BRINP1: variants seen among roughly 807,000 people sequenced by gnomAD.
The protein encoded by BRINP1 is BMP/retinoic acid inducible neural specific 1.
Under a neutral mutation model 72.9 loss-of-function variants are expected in BRINP1, and 17 were observed. That is an observed-to-expected ratio of 0.23 (90% CI 0.16 to 0.35). The LOEUF (loss-of-function observed/expected upper bound fraction) is 0.35. BRINP1 is among the 10% of genes least tolerant of loss of function. The pLI, the probability that BRINP1 is intolerant of heterozygous loss-of-function variation, is 1.00. For missense variants in BRINP1, 850 were observed against 1,001.6 expected (o/e 0.85, Z 2.04); for synonymous variants, 418 against 378.5 (o/e 1.10, Z -1.21).
At chr9:119,339,873 T>G (rs1211378855) in intron 1 of BRINP1, among the ~76,000 whole-genome samples, 3 of 152,134 alleles carry the variant, frequency 2.0e-5, no homozygotes, top group African/African-American at 4.8e-5. Context: ...AAATCCTGGG[T>G]GGGTTCTGGC....
chr9:119,223,263 T>C (rs1174884669), intron 5 of BRINP1, among the ~76,000 whole-genome samples: 1 of 152,130 alleles, frequency 6.6e-6, no homozygotes, highest in Non-Finnish European at 1.5e-5. Flanking sequence ...AATATGCTTG[T>C]CAAATTCATA....
At chr9:119,194,578 G>A (rs750896111) in intron 7 of BRINP1, among the ~76,000 whole-genome samples, 2 of 152,218 alleles carry the variant, frequency 1.3e-5, no homozygotes, top group Non-Finnish European at 2.9e-5. Context: ...ACTTGGAGAA[G>A]TCTGAAGTGT....
chr9:119,220,278 T>C (rs1388243435), intron 5 of BRINP1, among the ~76,000 whole-genome samples: 2 of 152,132 alleles, frequency 1.3e-5, no homozygotes, highest in African/African-American at 2.4e-5. Flanking sequence ...GACCCTCAAG[T>C]TGGATCTCTG....
chr9:119,320,685 G>C (rs1282819681), intron 1 of BRINP1, among the ~76,000 whole-genome samples: 1 of 152,152 alleles, frequency 6.6e-6, no homozygotes, highest in Non-Finnish European at 1.5e-5. Flanking sequence ...GATGCCTCAG[G>C]GAAAAGCAAT....
chr9:119,179,949 G>A (rs1829533928), intron 7 of BRINP1, among the ~76,000 whole-genome samples: 4 of 152,218 alleles, frequency 2.6e-5, no homozygotes, highest in Admixed American at 2.6e-4. Flanking sequence ...TCATCATTTC[G>A]AGGACAGTCT....
At chr9:119,180,895 GAGGAAGATGGAAGA>G (rs1247177040) in intron 7 of BRINP1, among the ~76,000 whole-genome samples, 2 of 152,140 alleles carry the variant, frequency 1.3e-5, no homozygotes, top group East Asian at 3.9e-4. Context: ...GGAGAGGGCA[GAGGAAGATGGAAGA>G]AGGAAGAAGG....
intron 5 of BRINP1, among the ~76,000 whole-genome samples, chr9:119,231,871 T>C (rs1480022262): frequency 2.0e-5 from 3 of 152,112 alleles, no homozygotes; most frequent in Non-Finnish European, 4.4e-5. Flanking sequence ...TGAATTTTTT[T>C]TTCTCTATCT....
At chr9:119,304,394 TA>T (rs1830973680) in intron 2 of BRINP1, among the ~76,000 whole-genome samples, 1 of 152,110 alleles carries the variant, frequency 6.6e-6, no homozygotes, top group African/African-American at 2.4e-5. Context: ...CACAAAAGGT[TA>T]CACACTAACT....
At chr9:119,267,320 C>G (rs545433889) in intron 2 of BRINP1, among the ~76,000 whole-genome samples, 1 of 152,216 alleles carries the variant, frequency 6.6e-6, no homozygotes, top group Non-Finnish European at 1.5e-5. Flanking sequence ...AGAATCCAGA[C>G]TTTGACATGA....
intron 2 of BRINP1, among the ~76,000 whole-genome samples, chr9:119,301,122 C>T (rs912127180): frequency 6.6e-6 from 1 of 152,156 alleles, no homozygotes; most frequent in African/African-American, 2.4e-5. Flanking sequence ...TTTGAATGTT[C>T]CAGGTAGTTT....
intron 2 of BRINP1, among the ~76,000 whole-genome samples, chr9:119,249,889 AAGGGAGGGAGAG>A (rs1246236851): frequency 1.0e-5 from 1 of 98,802 alleles, no homozygotes; most frequent in East Asian, 3.4e-4. Flanking sequence ...GGGAGGAAGG[AAGGGAGGGAGAG>A]AGGGAGGGAC....
chr9:119,292,932 GAGA>G (rs974239173), intron 2 of BRINP1, among the ~76,000 whole-genome samples: 6 of 152,164 alleles, frequency 3.9e-5, no homozygotes, highest in Admixed American at 2.0e-4. Context: ...AGTTTTCCCT[GAGA>G]AGATTACAGT....
chr9:119,285,521 G>C (rs1830752842), intron 2 of BRINP1, among the ~76,000 whole-genome samples: 1 of 152,208 alleles, frequency 6.6e-6, no homozygotes, highest in Non-Finnish European at 1.5e-5. Context: ...TAGCTAATAA[G>C]TGTTAGAGGT....
At chr9:119,194,668 T>C (rs1829716574) in intron 7 of BRINP1, among the ~76,000 whole-genome samples, 1 of 152,172 alleles carries the variant, frequency 6.6e-6, no homozygotes, top group Admixed American at 6.6e-5. Flanking sequence ...CCCTAGCCAT[T>C]CACATAGAAT....
intron 2 of BRINP1, among the ~76,000 whole-genome samples, chr9:119,280,260 T>A (rs1221145): frequency 0.5 from 75,402 of 151,086 alleles, 19,131 homozygotes; most frequent in Non-Finnish European, 0.51. Flanking sequence ...TTTTTTTAAG[T>A]TGGAGTCTCG....
intron 5 of BRINP1, among the ~76,000 whole-genome samples, chr9:119,231,060 C>T (rs143791372): frequency 8.4e-4 from 128 of 152,156 alleles, no homozygotes; most frequent in African/African-American, 2.9e-3. Flanking sequence ...ATAAAACACA[C>T]CACTGTTTTA....
intron 2 of BRINP1, among the ~76,000 whole-genome samples, chr9:119,301,402 TGTCTTTCCTTAAAGTATCTCA>T (rs1163650696): frequency 6.6e-6 from 1 of 152,244 alleles, no homozygotes; most frequent in African/African-American, 2.4e-5. Context: ...CTGAGTCTTC[TGTCTTTCCTTAAAGTATCTCA>T]GGTTATGACC....
At chr9:119,308,138 G>A (rs1314640535) in intron 2 of BRINP1, among the ~76,000 whole-genome samples, 1 of 152,198 alleles carries the variant, frequency 6.6e-6, no homozygotes, top group South Asian at 2.1e-4. Context: ...TTGCTTCTTT[G>A]ACTATGAGAG....
intron 2 of BRINP1, among the ~76,000 whole-genome samples, chr9:119,255,267 C>G (rs1229230933): frequency 6.6e-6 from 1 of 152,178 alleles, no homozygotes; most frequent in Non-Finnish European, 1.5e-5. Flanking sequence ...AGGCAGAACT[C>G]ACAATGGCAT....
Sources: allele counts gnomAD v4.1 joint callset (sites outside exome capture counted in the v4.1 genomes callset), GRCh38; gene constraint gnomAD v4.1.1; transcripts MANE v1.5; gene names NCBI Gene and HGNC (gene_info 2026-07-23, HGNC 2026-07-21).